EHMT1: variants seen among roughly 807,000 people sequenced by gnomAD.
The protein encoded by EHMT1 is histone-lysine N-methyltransferase EHMT1.
Under a neutral mutation model 147.2 loss-of-function variants are expected in EHMT1, and 15 were observed. The ratio of observed to expected loss-of-function variants is 0.10; its 90% CI spans 0.07 to 0.16. The LOEUF is 0.16. EHMT1 is among the 10% of genes least tolerant of loss of function. EHMT1 has a pLI of 1.00. For missense variants in EHMT1, 1,587 were observed against 1,772.4 expected (o/e 0.90, Z 1.88); for synonymous variants, 795 against 709.6 (o/e 1.12, Z -1.91).
chr9:137,809,484 C>T, intron 18 of EHMT1, among the ~76,000 whole-genome samples: 1 of 152,220 alleles, frequency 6.6e-6, no homozygotes, highest in East Asian at 1.9e-4. Flanking sequence ...GACCGCACCC[C>T]TGCAGGGGTC....
At chr9:137,715,866 G>A in intron 2 of EHMT1, 1 of 983,380 alleles carries the variant, frequency 1.0e-6, no homozygotes, top group Non-Finnish European at 1.2e-6. Flanking sequence ...TATTATAGCA[G>A]TGATTCCCCA....
At chr9:137,676,475 C>T (rs1589220937) in intron 1 of EHMT1, 2 of 152,690 alleles carry the variant, frequency 1.3e-5, no homozygotes, top group Middle Eastern at 3.4e-3. Context: ...AGGTGATCCT[C>T]CTGCCTCAGC....
At chr9:137,774,220 C>T (rs1367932918) in intron 10 of EHMT1, among the ~76,000 whole-genome samples, 2 of 152,254 alleles carry the variant, frequency 1.3e-5, no homozygotes, top group African/African-American at 4.8e-5. Context: ...CAGCCCAGAA[C>T]CCCTCTCACC....
chr9:137,676,806 T>C (rs1311270151), intron 1 of EHMT1, among the ~76,000 whole-genome samples: 2 of 152,128 alleles, frequency 1.3e-5, no homozygotes, highest in Non-Finnish European at 2.9e-5. Flanking sequence ...GAGCTTCTCT[T>C]TTCAGTTCCT....
Position 137,744,011 on chromosome 9 carries a change from C to T in EHMT1, c.1091C>T (p.Ala364Val), listed in dbSNP as rs763334114. 6.2e-7 allele frequency: 1 copy of T among 1,614,094 alleles called. No homozygotes were observed. Among genetic ancestry groups the T allele is most frequent in the South Asian group, 1.1e-5 (1 of 91,082 alleles). The change falls in exon 6 of 27, where the codon GCA becomes GTA. Residue 364 changes from alanine to valine, a missense_variant. Ala to Val is a moderately conservative substitution (Grantham distance 64, BLOSUM62 0). Coordinates refer to ENST00000460843, the MANE Select transcript of EHMT1 (RefSeq NM_024757.5). ...EELEEDDGHG[A>V]EQAAAFPTED... ...CTCGAGGAGGACGACGGCCATGGTGCAGAGCAGGCGGCCGCGTTCCCCACA... is the reference window on the plus strand; with the variant it reads ...CTCGAGGAGGACGACGGCCATGGTGTAGAGCAGGCGGCCGCGTTCCCCACA...
chr9:137,631,445 C>G (rs1843626226), intron 1 of EHMT1, among the ~76,000 whole-genome samples: 1 of 152,018 alleles, frequency 6.6e-6, no homozygotes, highest in Non-Finnish European at 1.5e-5. Context: ...ACCTCCCTAG[C>G]CACTAGTTCT....
At chr9:137,656,160 A>C (rs1050915223) in intron 1 of EHMT1, among the ~76,000 whole-genome samples, 2 of 152,134 alleles carry the variant, frequency 1.3e-5, no homozygotes, top group Non-Finnish European at 2.9e-5. Flanking sequence ...TGGGCGGATC[A>C]CCTGAGGTCA....
At chr9:137,683,881 C>G (rs1467175073) in intron 1 of EHMT1, among the ~76,000 whole-genome samples, 6 of 152,010 alleles carry the variant, frequency 3.9e-5, no homozygotes, top group African/African-American at 1.5e-4. Flanking sequence ...TCACTCTCCA[C>G]CCCCGCAGCT....
Position 137,775,584 on chromosome 9 carries a change from G to A in EHMT1, c.1791+332G>A, listed in dbSNP as rs560405305. Among the ~76,000 whole-genome samples, 3 of 152,062 alleles carry A rather than the reference G, an allele frequency of 2.0e-5. No homozygotes were observed. The highest frequency in any genetic ancestry group is 1.3e-4 in the Admixed American group (2 of 15,300). On this transcript the variant is annotated intron_variant, in intron 11 of 26. Transcript: ENST00000460843. This position sits in a 1 kb window ranked among gnomAD's most constrained non-coding sequence, Gnocchi z 6.1. ...GTGTCTAAGGCACTGGGGCTCGAGA[G>A]CAGTGGTGAGGGGCTTGTGACGCAC...
intron 4 of EHMT1, among the ~76,000 whole-genome samples, chr9:137,737,362 A>G (rs1004590529): frequency 6.6e-6 from 1 of 152,228 alleles, no homozygotes; most frequent in Non-Finnish European, 1.5e-5. Flanking sequence ...TTTGTGTTAT[A>G]TGATCAGTTG....
intron 1 of EHMT1, among the ~76,000 whole-genome samples, chr9:137,635,358 C>T (rs927712353): frequency 4.6e-5 from 7 of 151,576 alleles, no homozygotes; most frequent in South Asian, 2.1e-4. Context: ...AGGCACCCAT[C>T]GCCACGCCCA....
chr9:137,671,862 G>A (rs1316932705), intron 1 of EHMT1, among the ~76,000 whole-genome samples: 1 of 152,096 alleles, frequency 6.6e-6, no homozygotes, highest in East Asian at 1.9e-4. Context: ...ATGAAATAAG[G>A]ACCCCAACCC....
chr9:137,833,636 C>T (rs1956378350), intron 25 of EHMT1, among the ~76,000 whole-genome samples: 1 of 152,252 alleles, frequency 6.6e-6, no homozygotes, highest in Non-Finnish European at 1.5e-5. Context: ...ATGGTCAATT[C>T]AGAATCCATC....
intron 1 of EHMT1, among the ~76,000 whole-genome samples, chr9:137,622,936 C>T (rs1455508576): frequency 3.3e-5 from 5 of 149,504 alleles, no homozygotes; most frequent in South Asian, 2.1e-4. Context: ...TACAGCCAGG[C>T]GCGGTGTCTC....
In EHMT1 at chr9:137,810,720, C is replaced by T. The variant is rs551548444; in HGVS notation, c.2713-741C>T. ...AAATTTTTTGTTTTTTTTTTTGAGACAGAGTTTCGCTCTTGTTGCCTAGGC... is the reference window on the plus strand; with the variant it reads ...AAATTTTTTGTTTTTTTTTTTGAGATAGAGTTTCGCTCTTGTTGCCTAGGC... On this transcript the variant is annotated intron_variant, in intron 18 of 26. Transcript: ENST00000460843. Among the ~76,000 whole-genome samples, 149 of 149,478 alleles carry T rather than the reference C, an allele frequency of 1.0e-3. 1 individual carries two copies. Among genetic ancestry groups the T allele is most frequent in the Non-Finnish European group, 1.8e-3 (125 of 67,692 alleles).
chr9:137,775,328 G>T lies in EHMT1; in HGVS notation c.1791+76G>T. On this transcript the variant is annotated intron_variant, in intron 11 of 26. Transcript: ENST00000460843. This position sits in a 1 kb window ranked among gnomAD's most constrained non-coding sequence, Gnocchi z 6.1. ...GCTCACTGGTGCTGGTTCCTGTCCT[G>T]TGTCCACCTGCTGTCGGGTGGTCCA... The T allele has an allele frequency of 1.3e-6, 2 of 1,574,168 alleles. No individual in the cohort carries two copies. The highest frequency in any genetic ancestry group is 1.7e-6 in the Non-Finnish European group (2 of 1,165,854).
intron 1 of EHMT1, among the ~76,000 whole-genome samples, chr9:137,670,903 T>G (rs1940530520): frequency 6.6e-6 from 1 of 152,178 alleles, no homozygotes. Flanking sequence ...AGGCTACCTT[T>G]TCTCTTTCTT....
chr9:137,713,614 T>A (rs1160763471), intron 2 of EHMT1, among the ~76,000 whole-genome samples: 1 of 152,040 alleles, frequency 6.6e-6, no homozygotes, highest in African/African-American at 2.4e-5. Flanking sequence ...TAGAATTGTT[T>A]TAAAAATTCT....
rs73669133 is a variant in EHMT1 at position 137,708,942 on chromosome 9, C to T, written c.22-2025C>T. ...TGCCTGGCCTGCTGCCTGCCCCCTT[C>T]CTCTGATGTGGAACGCTGGAGAGCT... On this transcript the variant is annotated intron_variant, in intron 1 of 26. Transcript: ENST00000460843. Among the ~76,000 whole-genome samples the T allele has an allele frequency of 9.2e-3, 1,399 of 152,326 alleles. 19 individuals are homozygous for T. Among genetic ancestry groups the T allele is most frequent in the African/African-American group, 0.031 (1,307 of 41,564 alleles).
Sources: allele counts gnomAD v4.1 joint callset (sites outside exome capture counted in the v4.1 genomes callset), GRCh38; gene constraint gnomAD v4.1.1; non-coding constraint Gnocchi (gnomAD v3.1); transcripts MANE v1.5; gene names NCBI Gene and HGNC (gene_info 2026-07-23, HGNC 2026-07-21).